CEMIP: variants seen among roughly 807,000 people sequenced by gnomAD.
The protein encoded by CEMIP is cell migration-inducing and hyaluronan-binding protein.
A neutral mutation model predicts 156.9 loss-of-function variants in CEMIP; 105 were observed. That is an observed-to-expected ratio of 0.67 (90% CI 0.57 to 0.79). The LOEUF is 0.79. Ranked by LOEUF, CEMIP falls within the 30% of genes least tolerant of loss-of-function variation. The pLI is 0.00. For missense variants in CEMIP, 1,457 were observed against 1,769.4 expected (o/e 0.82, Z 3.17); for synonymous variants, 676 against 668.4 (o/e 1.01, Z -0.17).
intron 14 of CEMIP, among the ~76,000 whole-genome samples, chr15:80,914,921 G>A (rs1900210226): frequency 6.6e-6 from 1 of 151,974 alleles, no homozygotes; most frequent in East Asian, 1.9e-4. Flanking sequence ...ATGGTTAGGG[G>A]GTCGGAAAGG....
Position 80,943,017 on chromosome 15 carries a change from G to A in CEMIP, c.3772G>A (p.Val1258Met), listed in dbSNP as rs138461130. Residue 1258 changes from valine (V) to methionine (M), a missense_variant, in exon 28 of 30, where the codon GTG (valine) becomes ATG (methionine). Coordinates refer to ENST00000394685, the MANE Select transcript of CEMIP (RefSeq NM_001293298.2). Reference protein sequence around the residue: ...VVVIDGNQGRVVSHTSFRNSI... With the variant: ...VVVIDGNQGRMVSHTSFRNSI... ...GGTGATTGACGGGAACCAAGGGCGC[G>A]TGGTGAGCCACACGAGCTTCAGGAA... 1.1e-5 allele frequency: 17 copies of A among 1,614,226 alleles called. No homozygotes were observed. In the South Asian group the frequency reaches 1.4e-4, roughly 14 times the overall value.
chr15:80,822,627 C>T (rs1296956011), intron 1 of CEMIP, among the ~76,000 whole-genome samples: 1 of 152,218 alleles, frequency 6.6e-6, no homozygotes, highest in African/African-American at 2.4e-5. Context: ...CTGACATTAG[C>T]AGTGTCAATA....
In CEMIP at chr15:80,888,012, A is replaced by C. The variant is rs1248508606; in HGVS notation, c.868+248A>C. On this transcript the variant is annotated intron_variant, in intron 8 of 29. Transcript: ENST00000394685. ...TCTTCACTGACTTAATCAAAAACCT[A>C]GAATTGGCATAGAAAAGATAAGAAC... Among the ~76,000 whole-genome samples, 3 of 152,234 alleles carry C rather than the reference A, an allele frequency of 2.0e-5. No individual in the cohort carries two copies. In the East Asian group the frequency reaches 5.8e-4, roughly 29 times the overall value.
intron 1 of CEMIP, among the ~76,000 whole-genome samples, chr15:80,811,614 GC>G (rs148256977): frequency 6.6e-6 from 1 of 152,346 alleles, no homozygotes; most frequent in East Asian, 1.9e-4. Context: ...AAGTGCAGTG[GC>G]ATGATCTCAG....
chr15:80,798,899 T>C (rs191118185), intron 1 of CEMIP, among the ~76,000 whole-genome samples: 34 of 152,354 alleles, frequency 2.2e-4, no homozygotes, highest in African/African-American at 6.7e-4. Flanking sequence ...TTAAGTTCTT[T>C]GACCTGTCTC....
chr15:80,940,776 AGCAGGGAGGAGGTAGCC>A (rs1901305737), intron 25 of CEMIP, among the ~76,000 whole-genome samples: 1 of 152,220 alleles, frequency 6.6e-6, no homozygotes, highest in Non-Finnish European at 1.5e-5. Context: ...CAACCAAGAC[AGCAGGGAGGAGGTAGCC>A]TGCCTACCCC....
At chr15:80,921,130 A>T (rs367808641) in intron 16 of CEMIP, 29 bp downstream of exon 16, 198 of 1,601,764 alleles carry the variant, frequency 1.2e-4, no homozygotes, top group Non-Finnish European at 1.7e-4. Flanking sequence ...TCTTTGGCAG[A>T]AAGTGAGGGT....
chr15:80,861,412 C>T (rs1016601477), intron 1 of CEMIP, among the ~76,000 whole-genome samples: 3 of 152,218 alleles, frequency 2.0e-5, no homozygotes, highest in Admixed American at 1.3e-4. Flanking sequence ...CCCTGCACTA[C>T]GCTCATCTTT....
chr15:80,933,826 G>T (rs1901017748), intron 23 of CEMIP, among the ~76,000 whole-genome samples: 1 of 152,076 alleles, frequency 6.6e-6, no homozygotes, highest in African/African-American at 2.4e-5. Context: ...GGTGGCTTCA[G>T]AAAATACAAG....
At chr15:80,886,083 T>C (rs774636111) in intron 7 of CEMIP, among the ~76,000 whole-genome samples, 1 of 152,176 alleles carries the variant, frequency 6.6e-6, no homozygotes, top group Non-Finnish European at 1.5e-5. Flanking sequence ...TCCTGAACTC[T>C]TGGGGGAAGG....
chr15:80,866,632 T>TAAAA (rs1555431295), intron 1 of CEMIP, among the ~76,000 whole-genome samples: 1 of 112,402 alleles, frequency 8.9e-6, no homozygotes, highest in Non-Finnish European at 2.0e-5. Flanking sequence ...AATAAATAAA[T>TAAAA]AAAATAAGCC....
chr15:80,900,545 G>C (rs1422174075), intron 12 of CEMIP, among the ~76,000 whole-genome samples: 3 of 147,782 alleles, frequency 2.0e-5, no homozygotes, highest in Admixed American at 1.4e-4. Context: ...CATGAAAACA[G>C]CAGCCCCTGG....
At chr15:80,842,964 T>A (rs1304345122) in intron 1 of CEMIP, among the ~76,000 whole-genome samples, 2 of 152,040 alleles carry the variant, frequency 1.3e-5, no homozygotes, top group Non-Finnish European at 2.9e-5. Context: ...GATGATTGAG[T>A]GGATGACATT....
intron 1 of CEMIP, among the ~76,000 whole-genome samples, chr15:80,865,191 TA>T (rs1237630859): frequency 6.6e-6 from 1 of 152,206 alleles, no homozygotes; most frequent in Non-Finnish European, 1.5e-5. Flanking sequence ...TTTTTATTTT[TA>T]TTTTTTTGAG....
At position 80,887,694 on chromosome 15, in the gene CEMIP, A is replaced by G. The variant is rs200320422; in HGVS notation, c.798A>G (p.Arg266=). 1 of 1,610,900 alleles carries G rather than the reference A, an allele frequency of 6.2e-7. No homozygotes were observed. The highest frequency in any genetic ancestry group is 8.5e-7 in the Non-Finnish European group (1 of 1,179,086). Residue 266 remains arginine, a splice_region_variant and synonymous_variant, in exon 8 of 30, where the codon AGA becomes AGG. Coordinates refer to ENST00000394685, the MANE Select transcript of CEMIP (RefSeq NM_001293298.2). ...GSKHFLHLGF[R]HPWSFLTVKG... The stretch of plus-strand genomic sequence containing the variant: ...TTTGTTATGTTTTTCTTTTTTTCAG[A>G]CACCCTTGGAGTTTTCTAACTGTGA...
At chr15:80,904,792 G>A (rs758345438) in intron 12 of CEMIP, among the ~76,000 whole-genome samples, 2 of 152,134 alleles carry the variant, frequency 1.3e-5, no homozygotes, top group African/African-American at 2.4e-5. Flanking sequence ...ATTTATCCCC[G>A]TTAGATTCAT....
chr15:80,781,831 G>T (rs1417281347), intron 1 of CEMIP, among the ~76,000 whole-genome samples: 2 of 152,208 alleles, frequency 1.3e-5, no homozygotes, highest in East Asian at 1.9e-4. Context: ...TGAGCATAGA[G>T]AAATCGTTTT....
intron 8 of CEMIP, among the ~76,000 whole-genome samples, chr15:80,887,996 A>C (rs1898906822): frequency 6.6e-6 from 1 of 152,240 alleles, no homozygotes; most frequent in Non-Finnish European, 1.5e-5. Context: ...ATCTTCACTG[A>C]CTTAATCAAA....
At chr15:80,946,836 C>T (rs1901576046) in intron 28 of CEMIP, 129 bp from the exon 29 acceptor site, 1 of 716,614 alleles carries the variant, frequency 1.4e-6, no homozygotes, top group Non-Finnish European at 2.6e-6. Context: ...TGCCCTTTCC[C>T]GAATCCCTGG....
Sources: gnomAD v4.1 joint callset for allele counts (sites outside exome capture counted in the v4.1 genomes callset) on GRCh38, gnomAD v4.1.1 for gene constraint, MANE v1.5 for transcripts, NCBI Gene and HGNC (gene_info 2026-07-23, HGNC 2026-07-21) for gene names.